RIOK2: variants seen among roughly 807,000 people sequenced by gnomAD.
The protein encoded by RIOK2 is RIO kinase 2.
RIOK2 carries 46 observed loss-of-function variants against 62.4 expected under a neutral mutation model. That is an observed-to-expected ratio of 0.74 (90% CI 0.58 to 0.94). The LOEUF (loss-of-function observed/expected upper bound fraction) is 0.94, where lower values mean the gene tolerates loss of function less well. RIOK2 is among the 40% of genes least tolerant of loss of function. The probability of loss-of-function intolerance (pLI) is 0.00; values close to 1 mark genes in which losing one functional copy is unlikely to be tolerated. For synonymous variants in RIOK2, 197 were observed against 216.0 expected (o/e 0.91, Z 0.77); for missense variants, 574 against 658.0 (o/e 0.87, Z 1.40).
chr5:97,168,426 CT>C (rs3839294), intron 7 of RIOK2, among the ~76,000 whole-genome samples: 102,409 of 151,920 alleles, frequency 0.67, 34,674 homozygotes, highest in South Asian at 0.69. Context: ...CCTCCTGGTC[CT>C]TGATAAAGGA....
Position 97,177,822 on chromosome 5 carries a change from C to T in RIOK2, c.232G>A (p.Ala78Thr). The T allele has an allele frequency of 6.2e-7, 1 of 1,613,208 alleles. No homozygotes were observed. The highest frequency in any genetic ancestry group is 2.2e-5 in the East Asian group (1 of 44,826). The change falls in exon 3 of 10, where the codon GCA (alanine) becomes ACA (threonine). Residue 78 changes from alanine to threonine, a missense_variant. Physicochemically the swap from Ala to Thr is moderately conservative, Grantham distance 58. Transcript: ENST00000283109. ...KTVQGYRLTNAGYDYLALKTL... is the reference protein window; with the variant it reads ...KTVQGYRLTNTGYDYLALKTL... ...TTCAAAGCTAGGTAATCATATCCTG[C>T]ATTTGTCAACCGATAGCCCTGGACA...
At chr5:97,164,880 G>C in intron 9 of RIOK2, 171 bp downstream of exon 9, 1 of 392,870 alleles carries the variant, frequency 2.5e-6, no homozygotes, top group Non-Finnish European at 4.5e-6. Context: ...CACATCCTTT[G>C]AGCAACATTC....
Position 97,183,000 on chromosome 5 carries a change from A to G in RIOK2, c.66+126T>C, listed in dbSNP as rs377546479. 5.4e-5 allele frequency: 55 copies of G among 1,018,010 alleles called. No individual in the cohort carries two copies. The East Asian group carries it at 9.3e-4, about 17-fold the overall frequency. The allele number at this position is 1,018,010 out of a possible 1,614,324, so 63.1% of individuals were successfully genotyped here. On this transcript the variant is annotated intron_variant, in intron 1 of 9. Transcript: ENST00000283109. ...CGACTTTCTGAATGCTCTCTTCTCC[A>G]TTCCCAGCTTCTGCCACGTCCCGGG... is the stretch of plus-strand genomic sequence containing the variant.
At chr5:97,175,247 A>G (rs1330141507) in intron 4 of RIOK2, among the ~76,000 whole-genome samples, 1 of 152,034 alleles carries the variant, frequency 6.6e-6, no homozygotes, top group Non-Finnish European at 1.5e-5. Flanking sequence ...ACCACTTCCC[A>G]CTTCCCAGAT....
intron 6 of RIOK2, among the ~76,000 whole-genome samples, chr5:97,169,564 T>G (rs1042523635): frequency 2.9e-4 from 44 of 152,220 alleles, no homozygotes; most frequent in Admixed American, 2.0e-4. Flanking sequence ...CAATTGACTC[T>G]CTTTGAGAAA....
At chr5:97,177,491 A>G (rs1749202442) in intron 3 of RIOK2, among the ~76,000 whole-genome samples, 200 bp from the exon 4 acceptor site, 1 of 152,206 alleles carries the variant, frequency 6.6e-6, no homozygotes, top group African/African-American at 2.4e-5. Flanking sequence ...AAATAATGAT[A>G]TATCTTGGGA....
chr5:97,173,263 C>T lies in RIOK2; in HGVS notation c.499G>A (p.Ala167Thr), dbSNP rs1383670790. 5 of 1,610,400 alleles carry T rather than the reference C, an allele frequency of 3.1e-6. No individual in the cohort carries two copies. The highest frequency in any genetic ancestry group is 4.2e-6 in the Non-Finnish European group (5 of 1,177,330). The part of the protein sequence containing the change: ...SAMKEFAYMK[A>T]LYERKFPVPK... ...ACTGGAAATTTCCTCTCATACAATG[C>T]CTAAAATGTTGCAAAACAGGTGTAA... Residue 167 changes from alanine (A) to threonine (T), a missense_variant and splice_region_variant, in exon 5 of 10, where the codon GCA becomes ACA. Transcript: ENST00000283109.
At chr5:97,183,019 T>A in intron 1 of RIOK2, 107 bp downstream of exon 1, 2 of 1,195,020 alleles carry the variant, frequency 1.7e-6, no homozygotes, top group Non-Finnish European at 2.5e-6. Flanking sequence ...TTCTGCCACG[T>A]CCCGGGTCCC....
At chr5:97,178,650 A>ATGCTCCTCTGCAGTACTCTACC (rs1749245391) in intron 2 of RIOK2, among the ~76,000 whole-genome samples, 1 of 109,404 alleles carries the variant, frequency 9.1e-6, no homozygotes, top group Non-Finnish European at 2.0e-5. Context: ...TGTACTCTAC[A>ATGCTCCTCTGCAGTACTCTACC]TGCTCTTCTG....
intron 1 of RIOK2, among the ~76,000 whole-genome samples, chr5:97,181,092 T>C (rs992240513): frequency 6.6e-6 from 1 of 151,726 alleles, no homozygotes; most frequent in Non-Finnish European, 1.5e-5. Flanking sequence ...GCCAACATGG[T>C]GAAACCCCAT....
intron 2 of RIOK2, among the ~76,000 whole-genome samples, chr5:97,178,055 TGTAA>T (rs370074063): frequency 3.5e-4 from 54 of 152,358 alleles, no homozygotes; most frequent in Admixed American, 1.2e-3. Flanking sequence ...CAGACAGGTC[TGTAA>T]GTGTTTGTGA....
intron 6 of RIOK2, among the ~76,000 whole-genome samples, chr5:97,169,279 C>T (rs116219711): frequency 0.022 from 3,323 of 152,134 alleles, 60 homozygotes; most frequent in Non-Finnish European, 0.031. Flanking sequence ...AAAGATCTGA[C>T]GATAAAAAGA....
chr5:97,177,638 A>T, intron 3 of RIOK2, 94 bp downstream of exon 3: 1 of 791,408 alleles, frequency 1.3e-6, no homozygotes, highest in Non-Finnish European at 2.0e-6. Flanking sequence ...CTGTTTAGTT[A>T]GAAAAAAGGG....
intron 2 of RIOK2, 61 bp downstream of exon 2, chr5:97,178,994 C>T: frequency 6.3e-7 from 1 of 1,598,742 alleles, no homozygotes; most frequent in South Asian, 1.1e-5. Flanking sequence ...ACTTTTGGAA[C>T]ACTTGCTCTG....
chr5:97,182,227 A>AC (rs1294853056), intron 1 of RIOK2, among the ~76,000 whole-genome samples: 1 of 152,172 alleles, frequency 6.6e-6, no homozygotes, highest in African/African-American at 2.4e-5. Flanking sequence ...TTTAGTGGTT[A>AC]CCCCCACATT....
chr5:97,178,839 C>T, intron 2 of RIOK2: 4 of 591,730 alleles, frequency 6.8e-6, no homozygotes, highest in Admixed American at 6.1e-5. Flanking sequence ...TTCTGCAGTA[C>T]CTACATGTTC....
rs574382280 is a variant in RIOK2 at position 97,182,717 on chromosome 5, G to T, written c.66+409C>A. The T allele has an allele frequency of 1.6e-4, 35 of 218,134 alleles. No homozygotes were observed. The South Asian group carries it at 1.9e-3, about 12-fold the overall frequency. 13.5% of individuals were successfully genotyped at this position (218,134 alleles called of 1,614,324 possible). ...ACCGACAAATATGTGTTGACTGAAT[G>T]AATCAGAAAGACTGCTATGCGACTG... On this transcript the variant is annotated intron_variant, in intron 1 of 9. Transcript: ENST00000283109.
At chr5:97,182,845 C>T in intron 1 of RIOK2, 1 of 392,332 alleles carries the variant, frequency 2.5e-6, no homozygotes, top group South Asian at 2.3e-5. Context: ...AGTTTCCAGG[C>T]CACAGAGATG....
chr5:97,162,992 A>T lies in RIOK2; in HGVS notation c.*69T>A. ...GATAGCCTTGGCTCAAAAAAGACAA[A>T]TGAGGGCTCAAAAAGGAATTACAGT... On this transcript the variant is annotated 3_prime_UTR_variant, in exon 10 of 10. Coordinates refer to ENST00000283109, the MANE Select transcript of RIOK2 (RefSeq NM_018343.3). 1.5e-6 allele frequency: 2 copies of T among 1,324,566 alleles called. No homozygotes were observed. The highest frequency in any genetic ancestry group is 1.0e-6 in the Non-Finnish European group (1 of 970,360). 82.1% of individuals were successfully genotyped at this position (1,324,566 alleles called of 1,614,324 possible).
Sources: allele counts gnomAD v4.1 joint callset (sites outside exome capture counted in the v4.1 genomes callset), GRCh38; gene constraint gnomAD v4.1.1; transcripts MANE v1.5; gene names NCBI Gene and HGNC (gene_info 2026-07-23, HGNC 2026-07-21).